Variants in PLEKHG4B observed in about 807,000 individuals in gnomAD.
PLEKHG4B encodes pleckstrin homology domain-containing family G member 4B.
A neutral mutation model predicts 121.3 loss-of-function variants in PLEKHG4B; 111 were observed. The ratio of observed to expected loss-of-function variants is 0.92; its 90% CI spans 0.78 to 1.07. The LOEUF is 1.07. Among genes scored for constraint, PLEKHG4B ranks in the 50% least tolerant of loss-of-function variants. The pLI is 0.00. For synonymous variants in PLEKHG4B, 738 were observed against 725.0 expected (o/e 1.02, Z -0.29); for missense variants, 1,831 against 1,757.8 (o/e 1.04, Z -0.74).
chr5:132,184 A>C (rs922291968), intron 2 of PLEKHG4B, among the ~76,000 whole-genome samples: 2 of 152,196 alleles, frequency 1.3e-5, no homozygotes, highest in African/African-American at 2.4e-5. Context: ...CAAGGAAAAA[A>C]AAAAGTGAAA....
chr5:127,359 TTA>T (rs1734651202), intron 2 of PLEKHG4B, among the ~76,000 whole-genome samples: 1 of 146,724 alleles, frequency 6.8e-6, no homozygotes, highest in Non-Finnish European at 1.5e-5. Context: ...ATTATTATTA[TTA>T]TTATTATTAT....
intron 18 of PLEKHG4B, among the ~76,000 whole-genome samples, chr5:178,986 G>C (rs1173037715): frequency 6.6e-6 from 1 of 152,128 alleles, no homozygotes; most frequent in African/African-American, 2.4e-5. Flanking sequence ...AACTTTTATT[G>C]TTAATTGCTT....
chr5:146,682 C>T (rs1735429927), intron 6 of PLEKHG4B, among the ~76,000 whole-genome samples: 2 of 126,254 alleles, frequency 1.6e-5, no homozygotes, highest in South Asian at 6.5e-4. Context: ...CTCCTCTCCT[C>T]CCCCACAGTC....
rs1055196692 is a variant in PLEKHG4B at position 182,397 on chromosome 5, T to C, written c.*74T>C. 1 of 1,451,990 alleles carries C rather than the reference T, an allele frequency of 6.9e-7. No individual in the cohort carries two copies. The highest frequency in any genetic ancestry group is 9.2e-7 in the Non-Finnish European group (1 of 1,084,500). The allele number at this position is 1,451,990 out of a possible 1,614,324, so 89.9% of individuals were successfully genotyped here. A position where few individuals can be genotyped will look rare whatever the true frequency, so the allele number is the denominator to read the frequency against. ...GGAGCAGCACGCCAGGCCTGATGAC[T>C]CTGGGGGTGGCGGTGCCCATCGCGT... On this transcript the variant is annotated 3_prime_UTR_variant, in exon 20 of 20. Transcript: ENST00000637938.
At chr5:119,320 G>A (rs1017340445) in intron 2 of PLEKHG4B, among the ~76,000 whole-genome samples, 2 of 152,122 alleles carry the variant, frequency 1.3e-5, no homozygotes, top group African/African-American at 4.8e-5. Context: ...TATGTTTAAT[G>A]TTCCATTATT....
intron 14 of PLEKHG4B, 144 bp downstream of exon 14, chr5:169,736 A>G: frequency 7.8e-7 from 1 of 1,283,040 alleles, no homozygotes; most frequent in Non-Finnish European, 1.1e-6. Context: ...GGATGTTAAG[A>G]CCAGCCGAAA....
chr5:174,142 A>C, intron 18 of PLEKHG4B, 44 bp downstream of exon 18: 4 of 1,249,926 alleles, frequency 3.2e-6, no homozygotes, highest in Non-Finnish European at 4.3e-6. Context: ...TCAGGGGCAC[A>C]GCTAGGGGCA....
chr5:180,693 G>A (rs1050706293), intron 18 of PLEKHG4B, among the ~76,000 whole-genome samples: 13 of 152,184 alleles, frequency 8.5e-5, no homozygotes, highest in Admixed American at 1.3e-4. Flanking sequence ...AAGCTGTCCC[G>A]CGTCCACGTG....
At chr5:174,338 G>C (rs1243765490) in intron 18 of PLEKHG4B, among the ~76,000 whole-genome samples, 1 of 141,000 alleles carries the variant, frequency 7.1e-6, no homozygotes, top group Admixed American at 7.0e-5. Context: ...AGCAGGGCCG[G>C]GGTGGGGGCT....
intron 3 of PLEKHG4B, among the ~76,000 whole-genome samples, chr5:142,666 TCA>T (rs1419877354): frequency 1.3e-5 from 2 of 151,844 alleles, no homozygotes; most frequent in East Asian, 1.9e-4. Context: ...GTCACATGCC[TCA>T]CACAATCACA....
At chr5:153,951 A>C (rs935205585) in intron 7 of PLEKHG4B, among the ~76,000 whole-genome samples, 7 of 152,144 alleles carry the variant, frequency 4.6e-5, no homozygotes, top group Non-Finnish European at 7.4e-5. Flanking sequence ...TTGGCCTCCC[A>C]AAGTGCTGGG....
Position 182,571 on chromosome 5 carries a change from A to G in PLEKHG4B, c.*248A>G, listed in dbSNP as rs1423728113. 1 of 514,818 alleles carries G rather than the reference A, an allele frequency of 1.9e-6. No homozygotes were observed. The highest frequency in any genetic ancestry group is 3.5e-6 in the Non-Finnish European group (1 of 289,052). The allele number at this position is 514,818 out of a possible 1,614,324, so 31.9% of individuals were successfully genotyped here. A position where few individuals can be genotyped will look rare whatever the true frequency, so the allele number is the denominator to read the frequency against. ...TTCCACCCAAGACAACAGCATAGGA[A>G]ACAGACCTAAAACAAGACAAAAAAA... On this transcript the variant is annotated 3_prime_UTR_variant, in exon 20 of 20. Coordinates refer to ENST00000637938, the MANE Select transcript of PLEKHG4B (RefSeq NM_052909.5).
rs187664377 is a variant in PLEKHG4B, at chr5:115,031, C to G, written c.243+1583C>G. Among the ~76,000 whole-genome samples, 14 of 152,310 alleles carry G rather than the reference C, an allele frequency of 9.2e-5. No homozygotes were observed. The East Asian group carries it at 2.7e-3, about 29-fold the overall frequency. ...ATGGTGAATCCTTTCCAGAGGTTTACAATGTGCTTTGCTGAGATCCATCAG... is the reference window on the plus strand; with the variant it reads ...ATGGTGAATCCTTTCCAGAGGTTTAGAATGTGCTTTGCTGAGATCCATCAG... On this transcript the variant is annotated intron_variant, in intron 2 of 19. Coordinates refer to ENST00000637938, the MANE Select transcript of PLEKHG4B (RefSeq NM_052909.5).
At chr5:135,673 AAAAAAAAAAATATATATAT>A (rs1734941183) in intron 2 of PLEKHG4B, among the ~76,000 whole-genome samples, 1 of 64,214 alleles carries the variant, frequency 1.6e-5, no homozygotes, top group Non-Finnish European at 2.9e-5. Flanking sequence ...CTCAAAAAAA[AAAAAAAAAAATATATATAT>A]ATATATATAT....
Position 181,447 on chromosome 5 carries a change from G to A in PLEKHG4B, c.4403-67G>A, listed in dbSNP as rs545502089. On this transcript the variant is annotated intron_variant, in intron 18 of 19. Transcript: ENST00000637938. Reference sequence around the variant, plus strand: ...TTGGGCTGAGGGCATTAGGGGTACCGGGCGTCTTTGGGGTGGCATTAGCCC... The same window carrying A: ...TTGGGCTGAGGGCATTAGGGGTACCAGGCGTCTTTGGGGTGGCATTAGCCC... The A allele has an allele frequency of 1.0e-4, 155 of 1,521,666 alleles. No individual in the cohort carries two copies. The African/African-American group carries it at 1.5e-3, about 15-fold the overall frequency. The allele number at this position is 1,521,666 out of a possible 1,614,324, so 94.3% of individuals were successfully genotyped here. A position where few individuals can be genotyped will look rare whatever the true frequency, so the allele number is the denominator to read the frequency against.
chr5:156,963 C>T lies in PLEKHG4B; in HGVS notation c.2487+52C>T. 1 of 1,595,770 alleles carries T rather than the reference C, an allele frequency of 6.3e-7. No homozygotes were observed. The highest frequency in any genetic ancestry group is 8.5e-7 in the Non-Finnish European group (1 of 1,171,586). On this transcript the variant is annotated intron_variant, in intron 11 of 19. Transcript: ENST00000637938. The surrounding 1 kb of genome is among the most constrained non-coding windows in gnomAD (Gnocchi z 4.4). ...CGGTCAGCATCCCCTCCAGGCCAGG[C>T]TGGCCAAGGCAACCCTCTCACCTTC...
rs1733454872 is a variant in PLEKHG4B at position 182,616 on chromosome 5, G to A, written c.*293G>A. 1 of 398,364 alleles carries A rather than the reference G, an allele frequency of 2.5e-6. No individual in the cohort carries two copies. The highest frequency in any genetic ancestry group is 4.6e-6 in the Non-Finnish European group (1 of 218,594). 24.7% of individuals were successfully genotyped at this position (398,364 alleles called of 1,614,324 possible). ...AAAAAAGACTAAACATGAAACAAAA[G>A]ATGTCAAGACACAAGACATTTGGCA... On this transcript the variant is annotated 3_prime_UTR_variant, in exon 20 of 20. Coordinates refer to ENST00000637938, the MANE Select transcript of PLEKHG4B (RefSeq NM_052909.5).
chr5:104,664 T>C (rs979800548), intron 1 of PLEKHG4B, among the ~76,000 whole-genome samples: 1 of 152,212 alleles, frequency 6.6e-6, no homozygotes, highest in African/African-American at 2.4e-5. Context: ...TAATCATTTT[T>C]CTGGTGAACA....
rs980844566 is a variant in PLEKHG4B at position 189,390 on chromosome 5, C to G, written c.*7067C>G. On this transcript the variant is annotated 3_prime_UTR_variant, in exon 20 of 20. Transcript: ENST00000637938. ...CAGTGTACCTCACAACCTTTCAGAC[C>G]AGTGAAGGCCAGTGGGCTGGGTGGT... 2.6e-5 allele frequency: 4 copies of G among 152,340 alleles called. No individual in the cohort carries two copies. The highest frequency in any genetic ancestry group is 9.6e-5 in the African/African-American group (4 of 41,472). The allele number at this position is 152,340 out of a possible 1,614,324, so 9.4% of individuals were successfully genotyped here. A position where few individuals can be genotyped will look rare whatever the true frequency, so the allele number is the denominator to read the frequency against.
Sources: allele counts gnomAD v4.1 joint callset (sites outside exome capture counted in the v4.1 genomes callset), GRCh38; gene constraint gnomAD v4.1.1; non-coding constraint Gnocchi (gnomAD v3.1); transcripts MANE v1.5; gene names NCBI Gene and HGNC (gene_info 2026-07-23, HGNC 2026-07-21).